Variants in PPP2R5C observed in about 807,000 individuals in gnomAD.
The protein encoded by PPP2R5C is serine/threonine-protein phosphatase 2A 56 kDa regulatory subunit gamma isoform.
Under a neutral mutation model 68.9 loss-of-function variants are expected in PPP2R5C, and 7 were observed. The ratio of observed to expected loss-of-function variants is 0.10; its 90% CI spans 0.06 to 0.19. PPP2R5C has a LOEUF of 0.19. Ranked by LOEUF, PPP2R5C falls within the 10% of genes least tolerant of loss-of-function variation. The pLI is 1.00. For missense variants in PPP2R5C, 348 were observed against 641.3 expected (o/e 0.54, Z 4.94); for synonymous variants, 210 against 222.2 (o/e 0.95, Z 0.49).
At position 101,886,020 on chromosome 14, in the gene PPP2R5C, G is replaced by A. The variant is rs552424324; in HGVS notation, c.629+2458G>A. Among the ~76,000 whole-genome samples, 11 of 151,784 alleles carry A rather than the reference G, an allele frequency of 7.2e-5. No individual in the cohort carries two copies. The East Asian group carries it at 1.2e-3, about 16-fold the overall frequency. Reference sequence around the variant, plus strand: ...AAATGGGCCGGGCGTGGTGGCTCACGCCTGTAATCCCAGCACTTTGGGAGG... The same window carrying A: ...AAATGGGCCGGGCGTGGTGGCTCACACCTGTAATCCCAGCACTTTGGGAGG... On this transcript the variant is annotated intron_variant, in intron 5 of 13. Coordinates refer to ENST00000334743, the Ensembl canonical transcript of PPP2R5C.
At chr14:101,919,980 A>AAAAACAAAAAAAC (rs1555403920) in intron 13 of PPP2R5C, among the ~76,000 whole-genome samples, 23 of 114,144 alleles carry the variant, frequency 2.0e-4, no homozygotes, top group Admixed American at 9.5e-4. Context: ...AAAAAAAAAA[A>AAAAACAAAAAAAC]AAAAAAAAAA....
chr14:101,831,821 T>C (rs1391062418), intron 1 of PPP2R5C: 1 of 695,674 alleles, frequency 1.4e-6, no homozygotes, highest in Admixed American at 2.0e-5. Context: ...GTGGTGGTCC[T>C]AGAAGCAATC....
upstream of PPP2R5C, chr14:101,809,855 A>C: frequency 1.3e-6 from 2 of 1,523,960 alleles, no homozygotes; most frequent in Non-Finnish European, 8.8e-7. Flanking sequence ...AGCTGCAGAG[A>C]GCTTCAGTTT....
At position 101,872,056 on chromosome 14, in the gene PPP2R5C, C is replaced by T. The variant is rs554679962; in HGVS notation, c.295-10105C>T. ...TCTTTTATATTTACCCAGATAGTTA[C>T]AATTTTCAGTGTTCATCATTCCTTT... On this transcript the variant is annotated intron_variant, in intron 2 of 13. Coordinates refer to ENST00000334743, the Ensembl canonical transcript of PPP2R5C. Among the ~76,000 whole-genome samples the T allele has an allele frequency of 5.3e-5, 8 of 151,928 alleles. No homozygotes were observed. The South Asian group carries it at 1.7e-3, about 32-fold the overall frequency.
Position 101,916,038 on chromosome 14 carries a change from C to T in PPP2R5C, c.1327-1793C>T, listed in dbSNP as rs546742188. Among the ~76,000 whole-genome samples the T allele has an allele frequency of 3.3e-5, 5 of 152,124 alleles. No individual in the cohort carries two copies. In the East Asian group the frequency reaches 5.8e-4, roughly 18 times the overall value. The stretch of plus-strand genomic sequence containing the variant: ...GTGGGGTGTCAGTTATGGGGTGGGC[C>T]GGTGCGATCTGCTGAGAGGTGAGGG... On this transcript the variant is annotated intron_variant, in intron 12 of 13. Coordinates refer to ENST00000334743, the Ensembl canonical transcript of PPP2R5C. The surrounding 1 kb of genome is among the most constrained non-coding windows in gnomAD (Gnocchi z 5.5).
rs1174476970 is a variant in PPP2R5C at position 101,891,425 on chromosome 14, T to G, written c.689+1129T>G. On this transcript the variant is annotated intron_variant, in intron 6 of 13. Transcript: ENST00000334743. The surrounding 1 kb of genome is among the most constrained non-coding windows in gnomAD (Gnocchi z 4.9). ...TAGTTTAGACAAACTTGGGCGGGGTTTCTCCCTCAGTGCAGTGCAGTGAGT... is the reference window on the plus strand; with the variant it reads ...TAGTTTAGACAAACTTGGGCGGGGTGTCTCCCTCAGTGCAGTGCAGTGAGT... Among the ~76,000 whole-genome samples, 1 of 151,880 alleles carries G rather than the reference T, an allele frequency of 6.6e-6. No homozygotes were observed. The highest frequency in any genetic ancestry group is 2.4e-5 in the African/African-American group (1 of 41,180).
At chr14:101,809,917 C>T (rs1234963925) in exon 1 of PPP2R5C, 2 of 1,611,066 alleles carry the variant, frequency 1.2e-6, no homozygotes, top group South Asian at 1.1e-5. Context: ...CTTAAGGAGC[C>T]CATTGCCTTT....
At position 101,882,014 on chromosome 14, in the gene PPP2R5C, C is replaced by T; in HGVS notation, c.295-147C>T. 1.7e-6 allele frequency: 1 copy of T among 595,600 alleles called. No individual in the cohort carries two copies. The highest frequency in any genetic ancestry group is 2.4e-5 in the South Asian group (1 of 42,226). The allele number at this position is 595,600 out of a possible 1,614,324, so 36.9% of individuals were successfully genotyped here. On this transcript the variant is annotated intron_variant, in intron 2 of 13. Transcript: ENST00000334743. The surrounding 1 kb of genome is among the most constrained non-coding windows in gnomAD (Gnocchi z 4.9). Reference sequence around the variant, plus strand: ...TTTTGATCCAGGCTCTCTCTGAGGACCCACACAGCTTCTGCGTTTTGAGGA... The same window carrying T: ...TTTTGATCCAGGCTCTCTCTGAGGATCCACACAGCTTCTGCGTTTTGAGGA...
chr14:101,768,666 G>A (rs2036986110), intron 2 of PPP2R5C, among the ~76,000 whole-genome samples: 3 of 151,910 alleles, frequency 2.0e-5, no homozygotes, highest in Admixed American at 1.3e-4. Context: ...CCATAATGAC[G>A]CTTTAAAGGG....
intron 13 of PPP2R5C, among the ~76,000 whole-genome samples, chr14:101,924,208 T>C (rs1206554939): frequency 6.6e-6 from 1 of 152,176 alleles, no homozygotes; most frequent in Non-Finnish European, 1.5e-5. Flanking sequence ...GCTTTTGATA[T>C]GTAAACTCTC....
chr14:101,846,123 C>T (rs1030010550), intron 1 of PPP2R5C, among the ~76,000 whole-genome samples: 1 of 152,208 alleles, frequency 6.6e-6, no homozygotes, highest in African/African-American at 2.4e-5. Context: ...ATGCTGGAAC[C>T]GGGAACACTT....
chr14:101,761,865 G>T, upstream of PPP2R5C: 1 of 1,078,788 alleles, frequency 9.3e-7, no homozygotes. Flanking sequence ...CGGCAGGGGC[G>T]GCGGCGGCGG....
chr14:101,832,656 G>A (rs1215988757), intron 1 of PPP2R5C, among the ~76,000 whole-genome samples: 2 of 152,182 alleles, frequency 1.3e-5, no homozygotes, highest in Non-Finnish European at 2.9e-5. Context: ...GAAGACAAGT[G>A]TTTTTAAGGC....
intron 8 of PPP2R5C, 84 bp downstream of exon 10, chr14:101,894,644 C>A: frequency 7.5e-7 from 1 of 1,329,110 alleles, no homozygotes; most frequent in South Asian, 1.2e-5. Context: ...ACCAAATTGC[C>A]ATTCATTCAG....
chr14:101,793,082 T>G (rs2038436974), intron 3 of PPP2R5C, among the ~76,000 whole-genome samples: 1 of 152,120 alleles, frequency 6.6e-6, no homozygotes, highest in African/African-American at 2.4e-5. Flanking sequence ...TTCACTATGT[T>G]GGCCAGGCTG....
chr14:101,865,374 A>T lies in PPP2R5C; in HGVS notation c.294+8489A>T, dbSNP rs182209016. Among the ~76,000 whole-genome samples the T allele has an allele frequency of 3.9e-5, 6 of 152,324 alleles. No homozygotes were observed. In the East Asian group the frequency reaches 1.2e-3, roughly 29 times the overall value. ...GCATCCCTCTATGATGACAGAGGAA[A>T]GCATGGCCCTTGCTGGCTTGCCAGA... On this transcript the variant is annotated intron_variant, in intron 2 of 13. Coordinates refer to ENST00000334743, the Ensembl canonical transcript of PPP2R5C.
At chr14:101,763,751 T>C (rs1360819969) in intron 2 of PPP2R5C, among the ~76,000 whole-genome samples, 1 of 152,190 alleles carries the variant, frequency 6.6e-6, no homozygotes, top group Non-Finnish European at 1.5e-5. Context: ...ATTGGTCTTA[T>C]GCAGTCTATG....
rs2044925485 is a variant in PPP2R5C, at chr14:101,891,589, C to T, written c.689+1293C>T. 6.6e-6 allele frequency among the ~76,000 whole-genome samples: 1 copy of T among 152,118 alleles called. No homozygotes were observed. The highest frequency in any genetic ancestry group is 2.4e-5 in the African/African-American group (1 of 41,426). On this transcript the variant is annotated intron_variant, in intron 6 of 13. Coordinates refer to ENST00000334743, the Ensembl canonical transcript of PPP2R5C. The surrounding 1 kb of genome is among the most constrained non-coding windows in gnomAD (Gnocchi z 4.9). ...GACATGTGTTCCACAGCCCGCCATG[C>T]CGTGTGCGTAGGGCCCCCGTGTGCA...
At chr14:101,764,641 T>C (rs1362531420) in intron 2 of PPP2R5C, among the ~76,000 whole-genome samples, 1 of 152,200 alleles carries the variant, frequency 6.6e-6, no homozygotes, top group Non-Finnish European at 1.5e-5. Flanking sequence ...TTAGGATCAT[T>C]TGTGCCAGTC....
Sources: allele counts gnomAD v4.1 joint callset (sites outside exome capture counted in the v4.1 genomes callset), GRCh38; gene constraint gnomAD v4.1.1; non-coding constraint Gnocchi (gnomAD v3.1); transcripts MANE v1.5; gene names NCBI Gene and HGNC (gene_info 2026-07-23, HGNC 2026-07-21).